FGD4: variants seen among roughly 807,000 people sequenced by gnomAD.
The protein encoded by FGD4 is FYVE, RhoGEF and PH domain-containing protein 4.
In FGD4, 42 loss-of-function variants were observed where a neutral mutation model predicts 102.0. The observed-to-expected ratio is 0.41, with a 90% CI of 0.32 to 0.53. The LOEUF is 0.53. Among genes scored for constraint, FGD4 ranks in the 20% least tolerant of loss-of-function variants. FGD4 has a pLI of 0.21. For synonymous variants in FGD4, 380 were observed against 375.7 expected (o/e 1.01, Z -0.13); for missense variants, 902 against 1,078.2 (o/e 0.84, Z 2.29).
At chr12:32,475,665 G>A (rs1015236714) in intron 1 of FGD4, among the ~76,000 whole-genome samples, 23 of 152,146 alleles carry the variant, frequency 1.5e-4, no homozygotes, top group East Asian at 3.8e-4. Flanking sequence ...TAAAATCTCC[G>A]GGTGAGTCTG....
At chr12:32,633,130 G>A (rs949522892) in intron 14 of FGD4, among the ~76,000 whole-genome samples, 5 of 152,026 alleles carry the variant, frequency 3.3e-5, no homozygotes, top group Admixed American at 2.6e-4. Flanking sequence ...AGGTTCTGGG[G>A]ATGACTCCTA....
intron 5 of FGD4, among the ~76,000 whole-genome samples, chr12:32,599,282 C>T (rs906894208): frequency 8.8e-4 from 133 of 150,376 alleles, no homozygotes; most frequent in Non-Finnish European, 1.2e-3. Context: ...ATCACGAGGT[C>T]AGGAGATCGA....
chr12:32,474,173 G>C (rs1943523902), intron 1 of FGD4, among the ~76,000 whole-genome samples: 1 of 152,042 alleles, frequency 6.6e-6, no homozygotes, highest in South Asian at 2.1e-4. Context: ...TGGTACAGTT[G>C]CTTTGGAAAA....
At chr12:32,521,208 A>C (rs537230138) in intron 1 of FGD4, among the ~76,000 whole-genome samples, 3 of 152,008 alleles carry the variant, frequency 2.0e-5, no homozygotes, top group African/African-American at 7.2e-5. Flanking sequence ...CCAACGTGGC[A>C]AAACCCTGTC....
intron 12 of FGD4, 68 bp from the exon 13 acceptor site, chr12:32,624,908 G>T: frequency 7.7e-7 from 1 of 1,305,514 alleles, no homozygotes; most frequent in South Asian, 1.2e-5. Flanking sequence ...ATATTTGTTT[G>T]ATAAAGTATA....
intron 1 of FGD4, among the ~76,000 whole-genome samples, chr12:32,490,024 G>A (rs577325553): frequency 3.3e-5 from 5 of 151,984 alleles, no homozygotes; most frequent in South Asian, 2.1e-4. Context: ...AAAAAATTTC[G>A]CCTACCTGAA....
At chr12:32,413,143 A>G (rs1941275770) in intron 1 of FGD4, among the ~76,000 whole-genome samples, 2 of 151,706 alleles carry the variant, frequency 1.3e-5, no homozygotes, top group South Asian at 4.2e-4. Flanking sequence ...GGTGGGGGCT[A>G]GGGGAGGGAT....
intron 1 of FGD4, among the ~76,000 whole-genome samples, chr12:32,424,972 C>T (rs1941781067): frequency 6.6e-6 from 1 of 152,070 alleles, no homozygotes; most frequent in Admixed American, 6.6e-5. Context: ...TGGATATTAG[C>T]CCTGTGTCAG....
At position 32,399,889 on chromosome 12, in the gene FGD4, C is replaced by G; in HGVS notation, c.96C>G (p.Ser32Arg). 1 of 1,530,354 alleles carries G rather than the reference C, an allele frequency of 6.5e-7. No individual in the cohort carries two copies. The highest frequency in any genetic ancestry group is 8.7e-7 in the Non-Finnish European group (1 of 1,144,826). 94.8% of individuals were successfully genotyped at this position (1,530,354 alleles called of 1,614,324 possible). ...CGCCCGGGGTGCCCCGGCCCTGGAG[C>G]AGGCCCGCGTCGCACCTGGGACGTG... ...YLPPGVPRPWSRPASHLGRVG... is the reference protein window; with the variant it reads ...YLPPGVPRPWRRPASHLGRVG... The change falls in exon 1 of 17, where the codon AGC (serine) becomes AGG (arginine). Residue 32 changes from serine to arginine, a missense_variant. Transcript: ENST00000534526.
At chr12:32,530,904 G>A (rs1189628011) in intron 1 of FGD4, among the ~76,000 whole-genome samples, 4 of 128,236 alleles carry the variant, frequency 3.1e-5, no homozygotes, top group Middle Eastern at 4.7e-3. Context: ...TTAGGGTTGA[G>A]TTTACACTAT....
chr12:32,511,378 C>A (rs1939350380), intron 1 of FGD4: 1 of 152,460 alleles, frequency 6.6e-6, no homozygotes, highest in South Asian at 2.1e-4. Flanking sequence ...GTGGCGCGAT[C>A]TCGGCTCACT....
chr12:32,480,287 A>G (rs1348214844), intron 1 of FGD4, among the ~76,000 whole-genome samples: 9 of 150,952 alleles, frequency 6.0e-5, no homozygotes, highest in African/African-American at 2.2e-4. Flanking sequence ...TCAGCCTCCC[A>G]AGTAGCTGGG....
chr12:32,534,270 G>A, intron 1 of FGD4: 4 of 1,295,944 alleles, frequency 3.1e-6, no homozygotes, highest in South Asian at 4.7e-5. Context: ...GGTGTGGCAT[G>A]TTTTGCATAA....
At chr12:32,581,674 A>C (rs180702699) in intron 3 of FGD4, among the ~76,000 whole-genome samples, 2 of 152,172 alleles carry the variant, frequency 1.3e-5, no homozygotes, top group Admixed American at 6.5e-5. Context: ...TAAGCGTTGA[A>C]AAATAAATAA....
chr12:32,409,433 C>T (rs910352495), intron 1 of FGD4, among the ~76,000 whole-genome samples: 3 of 152,054 alleles, frequency 2.0e-5, no homozygotes, highest in East Asian at 1.9e-4. Flanking sequence ...GGACTACAGG[C>T]GCCTGCCACC....
At chr12:32,538,943 A>G (rs773154319) in intron 1 of FGD4, among the ~76,000 whole-genome samples, 10 of 152,126 alleles carry the variant, frequency 6.6e-5, no homozygotes, top group Non-Finnish European at 1.3e-4. Flanking sequence ...AGTCCCATCT[A>G]CTCAGTAGGT....
intron 1 of FGD4, among the ~76,000 whole-genome samples, chr12:32,507,619 A>T (rs1430542254): frequency 6.6e-6 from 1 of 152,184 alleles, no homozygotes; most frequent in Non-Finnish European, 1.5e-5. Context: ...TCAAAGTCAC[A>T]GTTTATTGGG....
At chr12:32,609,886 G>A (rs931218681) in intron 8 of FGD4, among the ~76,000 whole-genome samples, 9 of 152,090 alleles carry the variant, frequency 5.9e-5, no homozygotes, top group African/African-American at 1.9e-4. Flanking sequence ...TTTTTCCTAG[G>A]GTTAGTCCAG....
intron 1 of FGD4, among the ~76,000 whole-genome samples, chr12:32,562,382 T>A (rs952944832): frequency 2.6e-5 from 4 of 152,192 alleles, no homozygotes; most frequent in African/African-American, 9.7e-5. Flanking sequence ...TATGACTGTT[T>A]TTGTTTTATG....
Sources: gnomAD v4.1 joint callset for allele counts (sites outside exome capture counted in the v4.1 genomes callset) on GRCh38, gnomAD v4.1.1 for gene constraint, MANE v1.5 for transcripts, NCBI Gene and HGNC (gene_info 2026-07-23, HGNC 2026-07-21) for gene names.